Variants in FSTL4 observed in about 807,000 individuals in gnomAD.
The protein encoded by FSTL4 is follistatin like 4.
In FSTL4, 28 loss-of-function variants were observed where a neutral mutation model predicts 78.2. The observed-to-expected ratio is 0.36, with a 90% CI of 0.27 to 0.49. The LOEUF (loss-of-function observed/expected upper bound fraction) is 0.49. Among genes scored for constraint, FSTL4 ranks in the 20% least tolerant of loss-of-function variants. The pLI is 0.98. For missense variants in FSTL4, 922 were observed against 1,084.9 expected (o/e 0.85, Z 2.11); for synonymous variants, 422 against 440.5 (o/e 0.96, Z 0.53).
intron 6 of FSTL4, among the ~76,000 whole-genome samples, chr5:133,298,444 C>T (rs1416369716): frequency 6.6e-6 from 1 of 152,196 alleles, no homozygotes; most frequent in Non-Finnish European, 1.5e-5. Flanking sequence ...AACTTGCAGA[C>T]AGGATGACAG....
intron 3 of FSTL4, among the ~76,000 whole-genome samples, chr5:133,542,221 C>G (rs942593584): frequency 6.6e-6 from 1 of 152,002 alleles, no homozygotes; most frequent in African/African-American, 2.4e-5. Flanking sequence ...TTTTAAAATA[C>G]TTTTCTTATA....
At chr5:133,372,085 T>C (rs1411005008) in intron 4 of FSTL4, among the ~76,000 whole-genome samples, 1 of 152,218 alleles carries the variant, frequency 6.6e-6, no homozygotes, top group African/African-American at 2.4e-5. Context: ...AACATGTGCC[T>C]GCTGGGGCTG....
chr5:133,347,349 TTTTTTA>T (rs1190840223), intron 4 of FSTL4, among the ~76,000 whole-genome samples: 1 of 152,184 alleles, frequency 6.6e-6, no homozygotes, highest in Non-Finnish European at 1.5e-5. Context: ...ACTTCTAATC[TTTTTTA>T]TTTTTACTTT....
the FSTL4 span, among the ~76,000 whole-genome samples, chr5:133,730,652 G>A: frequency 6.6e-6 from 1 of 152,242 alleles, no homozygotes; most frequent in East Asian, 1.9e-4. Flanking sequence ...GCCAGGCCCA[G>A]ATGGTTGATT....
rs1366894518 is a variant in FSTL4 at position 133,612,226 on chromosome 5, C to A, written c.-11+99G>T. The A allele has an allele frequency of 6.6e-6, 1 of 151,924 alleles. No individual in the cohort carries two copies. Among genetic ancestry groups the A allele is most frequent in the Non-Finnish European group, 1.5e-5 (1 of 67,932 alleles). 9.4% of individuals were successfully genotyped at this position (151,924 alleles called of 1,614,324 possible). On this transcript the variant is annotated intron_variant, in intron 1 of 15. Transcript: ENST00000265342. The surrounding 1 kb of genome is among the most constrained non-coding windows in gnomAD (Gnocchi z 6.2). ...GGCCCTGCAGCAAGATGCGGGGCCG[C>A]GGGCGCCAGGACCCCAGTGGGGTGC...
the FSTL4 span, among the ~76,000 whole-genome samples, chr5:133,784,292 A>T: frequency 1.3e-5 from 2 of 152,138 alleles, no homozygotes; most frequent in Non-Finnish European, 2.9e-5. Context: ...GATATTTATG[A>T]CTAATCTGAC....
At chr5:133,599,659 G>GT (rs1264489600) in intron 2 of FSTL4, among the ~76,000 whole-genome samples, 1 of 152,172 alleles carries the variant, frequency 6.6e-6, no homozygotes, top group African/African-American at 2.4e-5. Flanking sequence ...ATAAGACCAT[G>GT]TAACGCCCAC....
At chr5:133,805,746 A>G in the FSTL4 span, among the ~76,000 whole-genome samples, 1 of 152,128 alleles carries the variant, frequency 6.6e-6, no homozygotes, top group African/African-American at 2.4e-5. Flanking sequence ...CATGCCTGAG[A>G]CTTCCATGGT....
At chr5:133,828,860 G>T in the FSTL4 span, among the ~76,000 whole-genome samples, 1 of 152,210 alleles carries the variant, frequency 6.6e-6, no homozygotes, top group African/African-American at 2.4e-5. Flanking sequence ...AATACGAAGT[G>T]CTTGCTTCAC....
chr5:133,398,272 C>T (rs1325337559), intron 4 of FSTL4, among the ~76,000 whole-genome samples: 1 of 152,190 alleles, frequency 6.6e-6, no homozygotes, highest in Non-Finnish European at 1.5e-5. Flanking sequence ...CCCAGCTCTT[C>T]TGCCCTCCCA....
At chr5:133,722,671 A>G in the FSTL4 span, among the ~76,000 whole-genome samples, 1 of 151,904 alleles carries the variant, frequency 6.6e-6, no homozygotes, top group African/African-American at 2.4e-5. Flanking sequence ...GCTTTTTCTT[A>G]TTTCTTGTGT....
rs539332718 is a variant in FSTL4, at chr5:133,467,366, C to A, written c.161-66380G>T. On this transcript the variant is annotated intron_variant, in intron 3 of 15. Transcript: ENST00000265342. ...TGAAGGTGTGAGAAGCCAGGTTTCC[C>A]ACGGCTGGGCCTGCAGGAGGAGGCT... 7.0e-4 allele frequency among the ~76,000 whole-genome samples: 106 copies of A among 152,120 alleles called. 1 individual carries two copies. In the Middle Eastern group the frequency reaches 0.017, roughly 24 times the overall value.
At chr5:133,637,102 G>A in the FSTL4 span, among the ~76,000 whole-genome samples, 1 of 152,226 alleles carries the variant, frequency 6.6e-6, no homozygotes, top group South Asian at 2.1e-4. Context: ...TTCTGTAGTG[G>A]TGTAACAATG....
the FSTL4 span, among the ~76,000 whole-genome samples, chr5:133,732,688 G>A: frequency 6.6e-6 from 1 of 152,146 alleles, no homozygotes; most frequent in Non-Finnish European, 1.5e-5. Flanking sequence ...TCCTGCGCTT[G>A]CCCACTACCA....
In FSTL4 at chr5:133,352,319, TATATATACACACATATATATATACAC is replaced by T. The variant is rs1561682965; in HGVS notation, c.410-35693_410-35668del. 3.1e-3 allele frequency among the ~76,000 whole-genome samples: 425 copies of T among 137,260 alleles called. 7 individuals are homozygous for T. The highest frequency in any genetic ancestry group is 0.012 in the African/African-American group (400 of 32,062). 90.0% of individuals were successfully genotyped at this position (137,260 alleles called of 152,430 possible). A position where few individuals can be genotyped will look rare whatever the true frequency, so the allele number is the denominator to read the frequency against. The stretch of plus-strand genomic sequence containing the variant: ...ACACACACATATATATATACACACA[TATATATACACACATATATATATACAC>T]ATATATATACACACACATATATATA... On this transcript the variant is annotated intron_variant, in intron 4 of 15. Coordinates refer to ENST00000265342, the MANE Select transcript of FSTL4 (RefSeq NM_015082.2).
At chr5:133,605,972 C>T (rs186601082) in intron 1 of FSTL4, among the ~76,000 whole-genome samples, 144 of 152,218 alleles carry the variant, frequency 9.5e-4, no homozygotes, top group African/African-American at 3.3e-3. Flanking sequence ...GCGGCAGTCA[C>T]GGCACTCCCT....
At chr5:133,743,839 T>C in the FSTL4 span, among the ~76,000 whole-genome samples, 1 of 152,342 alleles carries the variant, frequency 6.6e-6, no homozygotes, top group East Asian at 1.9e-4. Context: ...AAGATGGAGC[T>C]TACGAGCTCC....
At chr5:133,480,799 GC>G (rs1296866139) in intron 3 of FSTL4, among the ~76,000 whole-genome samples, 1 of 152,146 alleles carries the variant, frequency 6.6e-6, no homozygotes, top group East Asian at 1.9e-4. Context: ...CTGAAGAAAT[GC>G]TTTAGTGGAT....
chr5:133,212,593 A>C (rs1004638988), intron 13 of FSTL4, among the ~76,000 whole-genome samples: 8 of 152,256 alleles, frequency 5.3e-5, no homozygotes, highest in Admixed American at 5.2e-4. Flanking sequence ...TCCAAATTGA[A>C]GCAGAAAGAG....
Sources: allele counts gnomAD v4.1 joint callset (sites outside exome capture counted in the v4.1 genomes callset), GRCh38; gene constraint gnomAD v4.1.1; non-coding constraint Gnocchi (gnomAD v3.1); transcripts MANE v1.5; gene names NCBI Gene and HGNC (gene_info 2026-07-23, HGNC 2026-07-21).